The following EXOC4 variants were observed in gnomAD, a reference collection of about 807,000 sequenced individuals.
EXOC4 encodes exocyst complex component 4.
EXOC4 carries 71 observed loss-of-function variants against 107.2 expected under a neutral mutation model. The ratio of observed to expected loss-of-function variants is 0.66; its 90% CI spans 0.55 to 0.81. The LOEUF is 0.81. Among genes scored for constraint, EXOC4 ranks in the 30% least tolerant of loss-of-function variants. The pLI is 0.00. For missense variants in EXOC4, 1,108 were observed against 1,189.6 expected (o/e 0.93, Z 1.01); for synonymous variants, 456 against 441.2 (o/e 1.03, Z -0.42).
intron 11 of EXOC4, among the ~76,000 whole-genome samples, chr7:133,825,253 G>A (rs909835900): frequency 7.9e-5 from 12 of 151,958 alleles, no homozygotes; most frequent in South Asian, 4.2e-4. Context: ...CCAGCTACTC[G>A]GGAGGCTGAG....
chr7:133,400,786 A>G (rs1395987990), intron 7 of EXOC4, among the ~76,000 whole-genome samples: 1 of 152,178 alleles, frequency 6.6e-6, no homozygotes, highest in Non-Finnish European at 1.5e-5. Flanking sequence ...GTTACGTGGT[A>G]GGTTAATAAA....
intron 7 of EXOC4, among the ~76,000 whole-genome samples, chr7:133,394,558 A>G (rs571602818): frequency 5.4e-4 from 82 of 152,264 alleles, no homozygotes; most frequent in African/African-American, 1.9e-3. Flanking sequence ...TGAGAAACGG[A>G]AACAGTTATG....
intron 10 of EXOC4, among the ~76,000 whole-genome samples, chr7:133,666,658 A>G (rs774452454): frequency 6.6e-6 from 1 of 152,190 alleles, no homozygotes; most frequent in Non-Finnish European, 1.5e-5. Flanking sequence ...ACATTGAGAC[A>G]TGGACATTCA....
intron 10 of EXOC4, among the ~76,000 whole-genome samples, chr7:133,703,190 A>C (rs1794702246): frequency 1.3e-5 from 2 of 152,194 alleles, no homozygotes; most frequent in Non-Finnish European, 2.9e-5. Context: ...CCAGGCACGC[A>C]CCACTGTGTC....
At chr7:133,936,983 AGC>A (rs1168000288) in intron 13 of EXOC4, among the ~76,000 whole-genome samples, 1 of 152,118 alleles carries the variant, frequency 6.6e-6, no homozygotes, top group East Asian at 1.9e-4. Context: ...TTCTAATTTT[AGC>A]CCTCTTCCTT....
At chr7:133,968,811 A>G (rs891276288) in intron 14 of EXOC4, among the ~76,000 whole-genome samples, 2 of 151,904 alleles carry the variant, frequency 1.3e-5, no homozygotes, top group South Asian at 2.1e-4. Context: ...TCTAACAATT[A>G]TGTGTCTTGG....
intron 17 of EXOC4, among the ~76,000 whole-genome samples, chr7:134,058,141 C>T (rs1795973335): frequency 6.6e-6 from 1 of 152,128 alleles, no homozygotes; most frequent in Admixed American, 6.6e-5. Context: ...CTTAGTGACC[C>T]ATCTACCATT....
At chr7:133,296,528 G>A (rs1364418542) in intron 3 of EXOC4, among the ~76,000 whole-genome samples, 1 of 151,994 alleles carries the variant, frequency 6.6e-6, no homozygotes, top group Non-Finnish European at 1.5e-5. Context: ...TAAGTGAGTA[G>A]GTTTGTGACA....
chr7:133,429,521 A>G (rs563444047), intron 7 of EXOC4, among the ~76,000 whole-genome samples: 5 of 152,344 alleles, frequency 3.3e-5, no homozygotes, highest in South Asian at 4.1e-4. Flanking sequence ...TTTTGCAACT[A>G]TCACCACTGT....
chr7:133,591,561 TGTGTGTGCG>T (rs1801545419), intron 9 of EXOC4, among the ~76,000 whole-genome samples: 1 of 18,868 alleles, frequency 5.3e-5, no homozygotes, highest in South Asian at 2.8e-3. Context: ...TGTGTGTGTG[TGTGTGTGCG>T]TGTGTGTGTG....
intron 9 of EXOC4, among the ~76,000 whole-genome samples, chr7:133,571,538 C>T (rs1045714088): frequency 2.1e-4 from 32 of 152,044 alleles, no homozygotes; most frequent in African/African-American, 7.7e-4. Flanking sequence ...GGCATGGTGT[C>T]ATGCGCCTGT....
chr7:134,069,226 C>CTTCTCCTTA (rs1397485547), downstream of EXOC4, among the ~76,000 whole-genome samples: 2 of 150,806 alleles, frequency 1.3e-5, no homozygotes, highest in African/African-American at 4.9e-5. Flanking sequence ...TCTTCTCCTT[C>CTTCTCCTTA]TTCTTCTCCT....
Position 133,934,298 on chromosome 7 carries a change from A to AT in EXOC4, c.2028-3587dup, listed in dbSNP as rs1399077295. Among the ~76,000 whole-genome samples the AT allele has an allele frequency of 2.6e-5, 4 of 152,186 alleles. No individual in the cohort carries two copies. The South Asian group carries it at 6.2e-4, about 24-fold the overall frequency. ...ACACACACAAATCCTCGAAGGAATGATTTTTTGTGTGAAATGGTTATAGCT... is the reference window on the plus strand; with the variant it reads ...ACACACACAAATCCTCGAAGGAATGATTTTTTTGTGTGAAATGGTTATAGCT... On this transcript the variant is annotated intron_variant, in intron 13 of 17. Transcript: ENST00000253861.
chr7:134,053,556 G>A (rs190986903), intron 17 of EXOC4, among the ~76,000 whole-genome samples: 45 of 138,328 alleles, frequency 3.3e-4, no homozygotes, highest in African/African-American at 1.2e-3. Context: ...AAGTATATCT[G>A]ATTTTATATA....
intron 10 of EXOC4, among the ~76,000 whole-genome samples, chr7:133,644,936 G>A (rs1254132155): frequency 1.3e-5 from 2 of 152,000 alleles, no homozygotes; most frequent in African/African-American, 4.8e-5. Flanking sequence ...TTAAAGTTTT[G>A]TGAGCCACAG....
intron 17 of EXOC4, among the ~76,000 whole-genome samples, chr7:134,026,677 T>C (rs1383737626): frequency 6.6e-6 from 1 of 152,126 alleles, no homozygotes; most frequent in Admixed American, 6.6e-5. Context: ...AATGCTGTTA[T>C]GGAAAGATAT....
At chr7:133,750,640 G>A (rs1795777656) in intron 10 of EXOC4, among the ~76,000 whole-genome samples, 1 of 151,658 alleles carries the variant, frequency 6.6e-6, no homozygotes, top group African/African-American at 2.4e-5. Context: ...GAGCACAGTG[G>A]CACAGTCATG....
chr7:133,426,243 A>G (rs1797723820), intron 7 of EXOC4, among the ~76,000 whole-genome samples: 2 of 152,342 alleles, frequency 1.3e-5, no homozygotes, highest in East Asian at 3.9e-4. Context: ...TGGTAACATC[A>G]TGCCCCAGTT....
intron 13 of EXOC4, chr7:133,930,672 C>G (rs982808048): frequency 6.6e-6 from 1 of 152,118 alleles, no homozygotes; most frequent in African/African-American, 2.4e-5. Context: ...TGTATCCCCT[C>G]CTCCTCTGCA....
Sources: allele counts gnomAD v4.1 joint callset (sites outside exome capture counted in the v4.1 genomes callset), GRCh38; gene constraint gnomAD v4.1.1; transcripts MANE v1.5; gene names NCBI Gene and HGNC (gene_info 2026-07-23, HGNC 2026-07-21).